The following CCDC85A variants were observed in gnomAD, a reference collection of about 807,000 sequenced individuals.
CCDC85A encodes the protein coiled-coil domain containing 85A.
A neutral mutation model predicts 50.2 loss-of-function variants in CCDC85A; 38 were observed. That is an observed-to-expected ratio of 0.76 (90% CI 0.58 to 0.99). The LOEUF is 0.99. Among genes scored for constraint, CCDC85A ranks in the 50% least tolerant of loss-of-function variants. The pLI is 0.00. For synonymous variants in CCDC85A, 366 were observed against 301.4 expected (o/e 1.21, Z -2.22); for missense variants, 820 against 742.0 (o/e 1.11, Z -1.22).
At chr2:56,324,460 C>T (rs1016437739) in intron 2 of CCDC85A, among the ~76,000 whole-genome samples, 1 of 144,380 alleles carries the variant, frequency 6.9e-6, no homozygotes, top group East Asian at 2.1e-4. Flanking sequence ...CAAGCAGAGA[C>T]ACTCCTCTGG....
intron 1 of CCDC85A, among the ~76,000 whole-genome samples, chr2:56,186,692 T>TGAAAG (rs1209079238): frequency 4.6e-5 from 7 of 152,214 alleles, no homozygotes; most frequent in Admixed American, 6.5e-5. Flanking sequence ...CAGAAACACT[T>TGAAAG]GAAAGTTCCT....
chr2:56,195,842 A>T (rs1224435742), intron 2 of CCDC85A, among the ~76,000 whole-genome samples: 3 of 152,206 alleles, frequency 2.0e-5, no homozygotes, highest in Non-Finnish European at 4.4e-5. Flanking sequence ...AACAAAAAGC[A>T]TGTGAAAACA....
intron 3 of CCDC85A, among the ~76,000 whole-genome samples, chr2:56,371,264 G>A (rs1039114045): frequency 5.3e-5 from 8 of 151,974 alleles, no homozygotes; most frequent in Non-Finnish European, 1.0e-4. Flanking sequence ...ACCAACTACT[G>A]GTCATTATTT....
chr2:56,359,042 G>A (rs763576564), intron 3 of CCDC85A, among the ~76,000 whole-genome samples: 29 of 151,386 alleles, frequency 1.9e-4, no homozygotes, highest in Middle Eastern at 3.4e-3. Context: ...GACCTCAGGC[G>A]ATCCACCCAC....
At chr2:56,354,975 A>T (rs1197424631) in intron 3 of CCDC85A, among the ~76,000 whole-genome samples, 1 of 152,180 alleles carries the variant, frequency 6.6e-6, no homozygotes, top group Non-Finnish European at 1.5e-5. Context: ...CACAGAAATG[A>T]TAACAGTGTT....
At position 56,184,897 on chromosome 2, in the gene CCDC85A, C is replaced by T. The variant is rs1008836508; in HGVS notation, c.273C>T (p.Leu91=). 9.9e-6 allele frequency: 15 copies of T among 1,512,308 alleles called. No individual in the cohort carries two copies. Among genetic ancestry groups the T allele is most frequent in the Non-Finnish European group, 1.2e-5 (14 of 1,134,436 alleles). The allele number at this position is 1,512,308 out of a possible 1,614,324, so 93.7% of individuals were successfully genotyped here. The change falls in exon 1 of 6, where the codon CTC becomes CTT. Residue 91 remains leucine, a synonymous_variant. Coordinates refer to ENST00000407595, the MANE Select transcript of CCDC85A (RefSeq NM_001080433.2). ...LQLHLGEIRG[L]KDINQKLQED... ...TGCACCTCGGCGAGATCCGCGGCCTCAAGGTGAGCGCGGGCCAGGTGGGGA... is the reference window on the plus strand; with the variant it reads ...TGCACCTCGGCGAGATCCGCGGCCTTAAGGTGAGCGCGGGCCAGGTGGGGA...
intron 2 of CCDC85A, among the ~76,000 whole-genome samples, chr2:56,289,125 A>G (rs780273481): frequency 1.3e-5 from 2 of 152,216 alleles, no homozygotes; most frequent in Admixed American, 6.5e-5. Flanking sequence ...ATTCAGGTTC[A>G]TAAGTCAGTA....
chr2:56,293,848 C>T (rs55990049), intron 2 of CCDC85A, among the ~76,000 whole-genome samples: 2,079 of 152,306 alleles, frequency 0.014, 42 homozygotes, highest in African/African-American at 0.046. Context: ...TGCTTTTATA[C>T]TGTTGGTGGG....
intron 2 of CCDC85A, among the ~76,000 whole-genome samples, chr2:56,315,432 A>C (rs1291870873): frequency 6.6e-6 from 1 of 152,170 alleles, no homozygotes; most frequent in African/African-American, 2.4e-5. Flanking sequence ...TAATTTTGAG[A>C]CTGAAAATAT....
intron 2 of CCDC85A, among the ~76,000 whole-genome samples, chr2:56,193,729 G>A (rs1338615182): frequency 2.0e-5 from 3 of 152,034 alleles, no homozygotes; most frequent in African/African-American, 7.2e-5. Flanking sequence ...GAAATCTTTG[G>A]GTATTGGTGA....
At chr2:56,245,668 G>A (rs1367453118) in intron 2 of CCDC85A, among the ~76,000 whole-genome samples, 1 of 152,146 alleles carries the variant, frequency 6.6e-6, no homozygotes, top group East Asian at 1.9e-4. Flanking sequence ...ATTGGGTTGT[G>A]CTGTGGTTTG....
chr2:56,313,820 G>A (rs962295542), intron 2 of CCDC85A, among the ~76,000 whole-genome samples: 12 of 149,136 alleles, frequency 8.0e-5, no homozygotes, highest in South Asian at 6.2e-4. Flanking sequence ...GGAGTACCAG[G>A]TACTCACAGG....
At chr2:56,376,130 T>G (rs1676325792) in intron 5 of CCDC85A, among the ~76,000 whole-genome samples, 195 bp downstream of exon 5, 1 of 151,000 alleles carries the variant, frequency 6.6e-6, no homozygotes, top group Non-Finnish European at 1.5e-5. Context: ...TTTGAGTACT[T>G]ATGGTTGAAT....
intron 3 of CCDC85A, among the ~76,000 whole-genome samples, chr2:56,360,157 T>A (rs1675449490): frequency 6.6e-6 from 1 of 152,236 alleles, no homozygotes. Flanking sequence ...AAAATAAACT[T>A]TTTTTAAAAA....
chr2:56,279,310 C>G (rs1189589976), intron 2 of CCDC85A, among the ~76,000 whole-genome samples: 4 of 152,124 alleles, frequency 2.6e-5, no homozygotes, highest in Admixed American at 2.6e-4. Context: ...AATATATAAT[C>G]CAATGGTTTT....
At chr2:56,229,057 T>G (rs1326471839) in intron 2 of CCDC85A, among the ~76,000 whole-genome samples, 2 of 152,146 alleles carry the variant, frequency 1.3e-5, no homozygotes, top group Non-Finnish European at 2.9e-5. Flanking sequence ...GGCTTTTGAG[T>G]CTCTTCTTTA....
chr2:56,248,262 G>C (rs376493413), intron 2 of CCDC85A, among the ~76,000 whole-genome samples: 22 of 152,300 alleles, frequency 1.4e-4, no homozygotes, highest in African/African-American at 5.3e-4. Context: ...ATGTATTCTG[G>C]GGTTGGCTGG....
chr2:56,354,281 A>G (rs1675112057), intron 3 of CCDC85A, among the ~76,000 whole-genome samples: 1 of 152,260 alleles, frequency 6.6e-6, no homozygotes, highest in African/African-American at 2.4e-5. Flanking sequence ...AGACTGGCCA[A>G]AATAAATTGT....
intron 2 of CCDC85A, among the ~76,000 whole-genome samples, chr2:56,261,525 G>A (rs1043566772): frequency 4.0e-5 from 6 of 151,792 alleles, no homozygotes; most frequent in African/African-American, 1.4e-4. Context: ...CCCACAATGT[G>A]TGCTTCATCT....
Sources: allele counts gnomAD v4.1 joint callset (sites outside exome capture counted in the v4.1 genomes callset), GRCh38; gene constraint gnomAD v4.1.1; transcripts MANE v1.5; gene names NCBI Gene and HGNC (gene_info 2026-07-23, HGNC 2026-07-21).